Variants in ADGRB3 observed in about 807,000 individuals in gnomAD.
ADGRB3 encodes the protein adhesion G protein-coupled receptor B3.
In ADGRB3, 37 loss-of-function variants were observed where a neutral mutation model predicts 193.4. The ratio of observed to expected loss-of-function variants is 0.19; its 90% CI spans 0.15 to 0.25. The LOEUF is 0.25. Ranked by LOEUF, ADGRB3 falls within the 10% of genes least tolerant of loss-of-function variation. ADGRB3 has a pLI of 1.00. For synonymous variants in ADGRB3, 690 were observed against 644.2 expected (o/e 1.07, Z -1.08); for missense variants, 1,637 against 1,852.9 (o/e 0.88, Z 2.14).
intron 10 of ADGRB3, among the ~76,000 whole-genome samples, chr6:68,988,014 C>A (rs905552364): frequency 6.6e-6 from 1 of 152,088 alleles, no homozygotes; most frequent in South Asian, 2.1e-4. Flanking sequence ...TAATTATGGA[C>A]TACTGCTTTT....
At chr6:69,362,790 A>G (rs1769480329) in intron 29 of ADGRB3, among the ~76,000 whole-genome samples, 1 of 152,002 alleles carries the variant, frequency 6.6e-6, no homozygotes, top group South Asian at 2.1e-4. Flanking sequence ...GAATAGCTGC[A>G]GTTTCTTTAT....
intron 13 of ADGRB3, among the ~76,000 whole-genome samples, chr6:69,040,377 CCT>C (rs756169236): frequency 0.13 from 6,779 of 51,012 alleles, 227 homozygotes; most frequent in Non-Finnish European, 0.18. Context: ...TTCTTTCTTT[CCT>C]TCTCTCTCTT....
At chr6:69,240,885 C>T (rs1766369742) in intron 20 of ADGRB3, among the ~76,000 whole-genome samples, 1 of 151,938 alleles carries the variant, frequency 6.6e-6, no homozygotes, top group South Asian at 2.1e-4. Context: ...GAGCTTTCCT[C>T]TGAAATAGGA....
chr6:68,933,646 A>C (rs1185120683), intron 4 of ADGRB3, among the ~76,000 whole-genome samples: 4 of 152,238 alleles, frequency 2.6e-5, no homozygotes, highest in Non-Finnish European at 5.9e-5. Context: ...TTCTAATTTC[A>C]TGACTTTAAG....
chr6:68,850,160 C>A (rs1233367005), intron 3 of ADGRB3, among the ~76,000 whole-genome samples: 1 of 151,796 alleles, frequency 6.6e-6, no homozygotes, highest in Admixed American at 6.6e-5. Context: ...ATGTATATAA[C>A]TGGATTCAGT....
At chr6:69,133,725 G>A (rs1347078610) in intron 17 of ADGRB3, among the ~76,000 whole-genome samples, 3 of 150,992 alleles carry the variant, frequency 2.0e-5, no homozygotes, top group Non-Finnish European at 4.4e-5. Context: ...GGGAACAGGT[G>A]GTGTTTGGTT....
intron 3 of ADGRB3, among the ~76,000 whole-genome samples, chr6:68,926,983 C>A (rs898087471): frequency 1.3e-5 from 2 of 151,980 alleles, no homozygotes; most frequent in Non-Finnish European, 2.9e-5. Flanking sequence ...ACTTCCAGAG[C>A]CTATTGCTTT....
At chr6:69,211,501 A>G (rs1765666658) in intron 17 of ADGRB3, among the ~76,000 whole-genome samples, 1 of 152,158 alleles carries the variant, frequency 6.6e-6, no homozygotes, top group Non-Finnish European at 1.5e-5. Context: ...GTATTATAAT[A>G]TTTAATGTGT....
chr6:69,162,901 G>A (rs1360428648), intron 17 of ADGRB3, among the ~76,000 whole-genome samples: 1 of 152,052 alleles, frequency 6.6e-6, no homozygotes, highest in African/African-American at 2.4e-5. Context: ...AAGGCAGCCT[G>A]CTTGACCCCA....
rs549455415 is a variant in ADGRB3, at chr6:68,699,967, C to G, written c.757+60535C>G. ...TCCTAACTGTGTGACTCAAATCATT[C>G]CTTTATCATAGAATAGTGAAGATAT... On this transcript the variant is annotated intron_variant, in intron 3 of 31. Coordinates refer to ENST00000370598, the MANE Select transcript of ADGRB3 (RefSeq NM_001704.3). Among the ~76,000 whole-genome samples, 8 of 152,194 alleles carry G rather than the reference C, an allele frequency of 5.3e-5. No homozygotes were observed. In the South Asian group the frequency reaches 1.2e-3, roughly 24 times the overall value.
intron 3 of ADGRB3, among the ~76,000 whole-genome samples, chr6:68,872,843 T>C (rs6925795): frequency 1.3e-5 from 2 of 152,108 alleles, no homozygotes; most frequent in African/African-American, 4.8e-5. Context: ...GGGTTCTGTG[T>C]CAGTGGCCCA....
intron 17 of ADGRB3, among the ~76,000 whole-genome samples, chr6:69,125,347 A>G (rs549434849): frequency 4.7e-4 from 71 of 152,230 alleles, no homozygotes; most frequent in African/African-American, 1.6e-3. Context: ...TACAACTGCT[A>G]TAGTCGGAAT....
intron 20 of ADGRB3, among the ~76,000 whole-genome samples, chr6:69,291,807 T>C (rs1025268282): frequency 6.6e-5 from 10 of 152,146 alleles, no homozygotes; most frequent in African/African-American, 2.4e-4. Flanking sequence ...AAAGAGCACA[T>C]GCAGGAAGGA....
At chr6:68,707,153 G>T (rs1220434509) in intron 3 of ADGRB3, among the ~76,000 whole-genome samples, 1 of 150,800 alleles carries the variant, frequency 6.6e-6, no homozygotes, top group Non-Finnish European at 1.5e-5. Flanking sequence ...GGAAGGATTT[G>T]CTGACAATGA....
At chr6:69,096,627 T>C (rs1473984298) in intron 17 of ADGRB3, among the ~76,000 whole-genome samples, 1 of 152,158 alleles carries the variant, frequency 6.6e-6, no homozygotes, top group Non-Finnish European at 1.5e-5. Context: ...TTGCTCATAG[T>C]TTGTGCTTAA....
intron 6 of ADGRB3, among the ~76,000 whole-genome samples, chr6:68,947,169 C>A (rs919684679): frequency 3.9e-5 from 6 of 151,926 alleles, no homozygotes; most frequent in African/African-American, 1.5e-4. Flanking sequence ...ATAAACATAA[C>A]GTGGTCTATT....
At chr6:68,785,104 T>C (rs1369319989) in intron 3 of ADGRB3, among the ~76,000 whole-genome samples, 1 of 152,122 alleles carries the variant, frequency 6.6e-6, no homozygotes, top group East Asian at 1.9e-4. Context: ...TTATTTAGAA[T>C]TAATGAGCTT....
intron 30 of ADGRB3, among the ~76,000 whole-genome samples, 177 bp from the exon 31 acceptor site, chr6:69,382,654 G>A (rs1193859689): frequency 6.6e-6 from 1 of 151,858 alleles, no homozygotes; most frequent in Non-Finnish European, 1.5e-5. Flanking sequence ...TGTGTAAGAA[G>A]TGCTGAATAT....
chr6:69,362,783 T>C (rs566903215), intron 29 of ADGRB3, among the ~76,000 whole-genome samples: 8 of 151,994 alleles, frequency 5.3e-5, no homozygotes, highest in Non-Finnish European at 1.0e-4. Flanking sequence ...ATTAGCAGAA[T>C]AGCTGCAGTT....
Sources: gnomAD v4.1 joint callset for allele counts (sites outside exome capture counted in the v4.1 genomes callset) on GRCh38, gnomAD v4.1.1 for gene constraint, MANE v1.5 for transcripts, NCBI Gene and HGNC (gene_info 2026-07-23, HGNC 2026-07-21) for gene names.